The following GRIK2 variants were observed in gnomAD, a reference collection of about 807,000 sequenced individuals.
The protein encoded by GRIK2 is glutamate receptor ionotropic, kainate 2.
In GRIK2, 32 loss-of-function variants were observed where a neutral mutation model predicts 100.3. That is an observed-to-expected ratio of 0.32 (90% confidence interval 0.24 to 0.43). The LOEUF (loss-of-function observed/expected upper bound fraction) is 0.43, where lower values mean the gene tolerates loss of function less well. Ranked by LOEUF, GRIK2 falls within the 20% of genes least tolerant of loss-of-function variation. The probability of loss-of-function intolerance (pLI) is 1.00; values close to 1 mark genes in which losing one functional copy is unlikely to be tolerated. For synonymous variants in GRIK2, 417 were observed against 389.4 expected, an observed-to-expected ratio of 1.07 and a Z score of -0.83; for missense variants, 843 against 1,114.9, an observed-to-expected ratio of 0.76 and a Z score of 3.47.
At position 101,872,168 on chromosome 6, in the gene GRIK2, C is replaced by A. The variant is rs138710035; in HGVS notation, c.1524+12675C>A. On this transcript the variant is annotated intron_variant, in intron 11 of 16. Coordinates refer to ENST00000369134, the MANE Select transcript of GRIK2 (RefSeq NM_021956.5). ...CCAGGAATATAAAATTCGTGTCTAT[C>A]CAATTTCTTATTCATGGTTTGACCT... 2.2e-3 allele frequency among the ~76,000 whole-genome samples: 333 copies of A among 151,998 alleles called. 3 individuals carry two copies. The highest frequency in any genetic ancestry group is 7.7e-3 in the African/African-American group (319 of 41,506).
At chr6:101,543,010 T>A (rs986891168) in intron 2 of GRIK2, among the ~76,000 whole-genome samples, 10 of 152,122 alleles carry the variant, frequency 6.6e-5, no homozygotes. Flanking sequence ...GGAAAAAATT[T>A]TGTTGTATAG....
At chr6:101,868,225 ATGT>A (rs1250300872) in intron 11 of GRIK2, among the ~76,000 whole-genome samples, 3 of 151,520 alleles carry the variant, frequency 2.0e-5, no homozygotes, top group Non-Finnish European at 3.0e-5. Flanking sequence ...AAAAGCTTCA[ATGT>A]CTTCTTAAAT....
intron 14 of GRIK2, among the ~76,000 whole-genome samples, chr6:102,000,450 G>A (rs923067467): frequency 6.6e-6 from 1 of 151,856 alleles, no homozygotes; most frequent in Non-Finnish European, 1.5e-5. Context: ...AGTCCACAGT[G>A]CCTATTGTTC....
At chr6:102,056,486 AC>A in intron 16 of GRIK2, among the ~76,000 whole-genome samples, 1 of 152,076 alleles carries the variant, frequency 6.6e-6, no homozygotes, top group Non-Finnish European at 1.5e-5. Flanking sequence ...TTGTATGTAA[AC>A]ATCTCTTTTG....
intron 14 of GRIK2, among the ~76,000 whole-genome samples, chr6:101,979,426 A>G (rs1188830949): frequency 6.6e-6 from 1 of 152,012 alleles, no homozygotes; most frequent in Non-Finnish European, 1.5e-5. Flanking sequence ...CACCACCTTC[A>G]GGACTTATCT....
At chr6:101,897,666 A>G (rs1045738814) in intron 12 of GRIK2, among the ~76,000 whole-genome samples, 1 of 151,914 alleles carries the variant, frequency 6.6e-6, no homozygotes, top group African/African-American at 2.4e-5. Flanking sequence ...TTATATGAAC[A>G]TATACCTTTA....
intron 7 of GRIK2, among the ~76,000 whole-genome samples, chr6:101,792,568 G>A (rs62419281): frequency 1.8e-3 from 275 of 152,126 alleles, no homozygotes; most frequent in Non-Finnish European, 3.5e-3. Flanking sequence ...AGTTTCTGCC[G>A]AGAGATCCGC....
intron 2 of GRIK2, among the ~76,000 whole-genome samples, chr6:101,579,867 A>G (rs1205457058): frequency 1.3e-5 from 2 of 151,552 alleles, no homozygotes; most frequent in Admixed American, 1.3e-4. Flanking sequence ...AAAAAAAAAA[A>G]AGAAATGCAT....
chr6:101,762,298 C>A (rs1042641080), intron 7 of GRIK2, among the ~76,000 whole-genome samples: 13 of 151,974 alleles, frequency 8.6e-5, no homozygotes, highest in Non-Finnish European at 1.5e-4. Flanking sequence ...TCTCAGCCTC[C>A]CAAGTAGCTG....
chr6:101,478,320 C>A (rs1772352744), intron 2 of GRIK2, among the ~76,000 whole-genome samples: 1 of 151,644 alleles, frequency 6.6e-6, no homozygotes, highest in Non-Finnish European at 1.5e-5. Flanking sequence ...TCTTCGGGTC[C>A]TGTGTATTAT....
intron 16 of GRIK2, 99 bp downstream of exon 16, chr6:102,055,679 C>A: frequency 2.6e-6 from 2 of 758,660 alleles, no homozygotes; most frequent in Non-Finnish European, 4.4e-6. Flanking sequence ...AATGATAATG[C>A]ATAGAACTAT....
intron 12 of GRIK2, among the ~76,000 whole-genome samples, chr6:101,922,786 G>A (rs1007721520): frequency 1.3e-5 from 2 of 152,128 alleles, no homozygotes; most frequent in African/African-American, 4.8e-5. Flanking sequence ...TCTCTCATGA[G>A]CAATCAATGT....
At chr6:101,792,512 C>G (rs1328271115) in intron 7 of GRIK2, among the ~76,000 whole-genome samples, 2 of 151,876 alleles carry the variant, frequency 1.3e-5, no homozygotes, top group Non-Finnish European at 2.9e-5. Flanking sequence ...AAATTCTTTT[C>G]TTTAAGAATG....
chr6:102,019,239 G>A (rs967966047), intron 14 of GRIK2, among the ~76,000 whole-genome samples: 3 of 151,908 alleles, frequency 2.0e-5, no homozygotes, highest in African/African-American at 7.3e-5. Flanking sequence ...TTCTTAACAT[G>A]GTATCTTTTA....
At chr6:101,725,882 C>T (rs540269709) in intron 7 of GRIK2, among the ~76,000 whole-genome samples, 92 of 152,048 alleles carry the variant, frequency 6.1e-4, no homozygotes, top group African/African-American at 2.2e-3. Flanking sequence ...TTATTCCATA[C>T]ATCCTTAAAG....
chr6:101,534,537 A>G (rs550019030), intron 2 of GRIK2, among the ~76,000 whole-genome samples: 1 of 151,962 alleles, frequency 6.6e-6, no homozygotes, highest in East Asian at 1.9e-4. Context: ...TCCTAATGCA[A>G]TCTGTGGAAA....
intron 10 of GRIK2, among the ~76,000 whole-genome samples, chr6:101,855,925 G>T (rs563438993): frequency 6.6e-6 from 1 of 152,278 alleles, no homozygotes; most frequent in Non-Finnish European, 1.5e-5. Context: ...ACAGTGTAAA[G>T]AAATTAGTAG....
At chr6:101,648,518 G>A (rs1396392816) in intron 4 of GRIK2, among the ~76,000 whole-genome samples, 2 of 151,886 alleles carry the variant, frequency 1.3e-5, no homozygotes, top group African/African-American at 4.8e-5. Context: ...GTTTCTCTGG[G>A]AAATGAATAT....
At chr6:101,726,555 A>G (rs544547381) in intron 7 of GRIK2, among the ~76,000 whole-genome samples, 1 of 152,026 alleles carries the variant, frequency 6.6e-6, no homozygotes, top group Admixed American at 6.6e-5. Context: ...TATGACAGTT[A>G]TATCGATGAT....
Sources: allele counts gnomAD v4.1 joint callset (sites outside exome capture counted in the v4.1 genomes callset), GRCh38; gene constraint gnomAD v4.1.1; transcripts MANE v1.5; gene names NCBI Gene and HGNC (gene_info 2026-07-23, HGNC 2026-07-21).